CDH12: variants seen among roughly 807,000 people sequenced by gnomAD.
CDH12 encodes the protein cadherin-12.
CDH12 carries 41 observed loss-of-function variants against 74.1 expected under a neutral mutation model. The ratio of observed to expected loss-of-function variants is 0.55; its 90% confidence interval spans 0.43 to 0.72. The LOEUF (loss-of-function observed/expected upper bound fraction) is 0.72, where lower values mean the gene tolerates loss of function less well. Ranked by LOEUF, CDH12 falls within the 30% of genes least tolerant of loss-of-function variation. The pLI is 0.00. For synonymous variants in CDH12, 399 were observed against 355.0 expected, an observed-to-expected ratio of 1.12 and a Z score of -1.39; for missense variants, 945 against 977.2, an observed-to-expected ratio of 0.97 and a Z score of 0.44.
chr5:22,197,229 G>A (rs896919886), intron 4 of CDH12, among the ~76,000 whole-genome samples: 2 of 152,098 alleles, frequency 1.3e-5, no homozygotes, highest in Non-Finnish European at 2.9e-5. Context: ...AGGATCATGA[G>A]GTCAGGAGAT....
chr5:22,654,140 CCTTT>C (rs1023195098), intron 1 of CDH12, among the ~76,000 whole-genome samples: 2 of 150,246 alleles, frequency 1.3e-5, no homozygotes, highest in East Asian at 2.0e-4. Flanking sequence ...CCTTCCCCTT[CCTTT>C]CTTTCTTCCT....
At chr5:22,324,107 C>G (rs1182166197) in intron 3 of CDH12, among the ~76,000 whole-genome samples, 1 of 152,118 alleles carries the variant, frequency 6.6e-6, no homozygotes, top group Non-Finnish European at 1.5e-5. Flanking sequence ...ACAAAATTCA[C>G]AATGATTAGA....
At chr5:21,896,997 A>C (rs2150050189) in intron 6 of CDH12, among the ~76,000 whole-genome samples, 1 of 152,348 alleles carries the variant, frequency 6.6e-6, no homozygotes, top group East Asian at 1.9e-4. Flanking sequence ...CCAACCAAAA[A>C]AAATTAAATT....
At chr5:22,291,350 G>C (rs1737381151) in intron 3 of CDH12, among the ~76,000 whole-genome samples, 1 of 152,026 alleles carries the variant, frequency 6.6e-6, no homozygotes, top group African/African-American at 2.4e-5. Flanking sequence ...GTACACTGGA[G>C]GTCCTTACCA....
chr5:22,475,068 A>G (rs1015956102), intron 2 of CDH12, among the ~76,000 whole-genome samples: 1 of 150,452 alleles, frequency 6.6e-6, no homozygotes, highest in African/African-American at 2.4e-5. Context: ...CATATCTAGT[A>G]GGCACTTTGT....
At chr5:22,605,951 G>A (rs965638954) in intron 1 of CDH12, among the ~76,000 whole-genome samples, 13 of 152,202 alleles carry the variant, frequency 8.5e-5, no homozygotes, top group African/African-American at 2.9e-4. Context: ...CAGCATCTCT[G>A]TTGGGGTGGC....
At chr5:22,275,804 G>C (rs1303738028) in intron 3 of CDH12, among the ~76,000 whole-genome samples, 1 of 152,118 alleles carries the variant, frequency 6.6e-6, no homozygotes, top group Non-Finnish European at 1.5e-5. Flanking sequence ...GAAGGCAAGA[G>C]AGTTAATAGA....
chr5:22,621,633 TAATC>T (rs1182117440), intron 1 of CDH12, among the ~76,000 whole-genome samples: 1 of 152,084 alleles, frequency 6.6e-6, no homozygotes, highest in East Asian at 1.9e-4. Flanking sequence ...CTGGCAATAT[TAATC>T]AAGAAAATAA....
At chr5:22,246,859 A>C (rs1450994116) in intron 3 of CDH12, among the ~76,000 whole-genome samples, 2 of 152,156 alleles carry the variant, frequency 1.3e-5, no homozygotes, top group Admixed American at 1.3e-4. Context: ...GGGTCAACTT[A>C]TCTATTCTTA....
chr5:22,080,987 G>T (rs1287785635), intron 4 of CDH12, among the ~76,000 whole-genome samples: 1 of 151,898 alleles, frequency 6.6e-6, no homozygotes, highest in African/African-American at 2.4e-5. Context: ...CACCATGTTG[G>T]CCAGGATGAT....
chr5:22,426,058 G>A (rs1425817315), intron 2 of CDH12, among the ~76,000 whole-genome samples: 11 of 151,804 alleles, frequency 7.2e-5, no homozygotes, highest in Admixed American at 5.9e-4. Context: ...GTGGTGGCGG[G>A]CGCCTGTAGT....
chr5:21,836,632 T>C (rs945050993), intron 8 of CDH12, among the ~76,000 whole-genome samples: 1 of 151,864 alleles, frequency 6.6e-6, no homozygotes, highest in African/African-American at 2.4e-5. Flanking sequence ...GGGAAAACTA[T>C]GAATATTTTG....
chr5:22,753,507 A>G (rs938810421), intron 1 of CDH12, among the ~76,000 whole-genome samples: 1 of 148,370 alleles, frequency 6.7e-6, no homozygotes, highest in Admixed American at 6.8e-5. Flanking sequence ...TTTATTCTCA[A>G]TGCAAAACAA....
chr5:22,720,875 G>A (rs1354937799), intron 1 of CDH12, among the ~76,000 whole-genome samples: 2 of 152,158 alleles, frequency 1.3e-5, no homozygotes, highest in Non-Finnish European at 2.9e-5. Flanking sequence ...CTTTGAACTT[G>A]GGAGAGATTA....
At chr5:22,320,698 T>G (rs1235096187) in intron 3 of CDH12, among the ~76,000 whole-genome samples, 1 of 152,202 alleles carries the variant, frequency 6.6e-6, no homozygotes, top group Non-Finnish European at 1.5e-5. Context: ...TCGTTTGCTT[T>G]TCTCTCAGTA....
intron 3 of CDH12, among the ~76,000 whole-genome samples, chr5:22,355,662 T>A (rs1270953366): frequency 2.0e-5 from 3 of 152,080 alleles, no homozygotes; most frequent in Admixed American, 6.6e-5. Context: ...AAGAGTGACC[T>A]GCTCTCGGAT....
intron 3 of CDH12, among the ~76,000 whole-genome samples, chr5:22,233,862 T>C (rs1052536436): frequency 6.6e-6 from 1 of 152,190 alleles, no homozygotes; most frequent in Non-Finnish European, 1.5e-5. Flanking sequence ...AGTCACAGTT[T>C]GCCCACCTTG....
At chr5:22,214,736 T>G (rs1751734676) in intron 3 of CDH12, among the ~76,000 whole-genome samples, 1 of 152,208 alleles carries the variant, frequency 6.6e-6, no homozygotes, top group Non-Finnish European at 1.5e-5. Flanking sequence ...CTAAAACAGG[T>G]GCACACGAAA....
chr5:22,020,364 G>A (rs900518459), intron 5 of CDH12, among the ~76,000 whole-genome samples: 6 of 151,950 alleles, frequency 3.9e-5, no homozygotes, highest in Admixed American at 6.6e-5. Flanking sequence ...GACCAGCCTG[G>A]CTAACATTGT....
Sources: allele counts gnomAD v4.1 joint callset (sites outside exome capture counted in the v4.1 genomes callset), GRCh38; gene constraint gnomAD v4.1.1; transcripts MANE v1.5; gene names NCBI Gene and HGNC (gene_info 2026-07-23, HGNC 2026-07-21).